Variants in GARIN6 observed in about 807,000 individuals in gnomAD.
GARIN6 encodes the protein golgi associated RAB2 interactor family member 6.
the GARIN6 span, chr12:99,648,543 G>C: frequency 4.3e-6 from 7 of 1,614,170 alleles, no homozygotes; most frequent in Non-Finnish European, 5.9e-6. Context: ...TGCTTCCCTT[G>C]ATGTTTGTGA....
chr12:99,649,575 C>T, the GARIN6 span: 1 of 564,136 alleles, frequency 1.8e-6, no homozygotes, highest in South Asian at 2.2e-5. Flanking sequence ...GAGAGAAACA[C>T]AGCACTGGCA....
the GARIN6 span, chr12:99,648,052 A>G: frequency 3.2e-5 from 44 of 1,371,130 alleles, no homozygotes; most frequent in East Asian, 1.0e-3. Flanking sequence ...ACAAAAAAGA[A>G]AGCCTGCAGA....
At chr12:99,648,774 G>A in the GARIN6 span, 22 of 1,611,142 alleles carry the variant, frequency 1.4e-5, no homozygotes, top group Non-Finnish European at 1.9e-5. Flanking sequence ...TGGAGGAAGT[G>A]CAGAGGAGCC....
chr12:99,647,771 T>C, the GARIN6 span: 5 of 199,946 alleles, frequency 2.5e-5, no homozygotes, highest in East Asian at 5.7e-4. Flanking sequence ...ATGGTTCAGG[T>C]TGGGAAGAAG....
chr12:99,648,450 TG>T, the GARIN6 span: 1 of 1,614,160 alleles, frequency 6.2e-7, no homozygotes, highest in Non-Finnish European at 8.5e-7. Context: ...CCCGACCAGC[TG>T]CTGTCTGTGA....
At chr12:99,648,377 T>A in the GARIN6 span, 3 of 1,614,152 alleles carry the variant, frequency 1.9e-6, no homozygotes, top group Non-Finnish European at 2.5e-6. Context: ...CGTGCCCGAA[T>A]GGTAACAATG....
the GARIN6 span, chr12:99,648,073 T>C: frequency 6.7e-7 from 1 of 1,489,152 alleles, no homozygotes; most frequent in South Asian, 1.3e-5. Context: ...ACACGACTGC[T>C]GGCCCACCTG....
the GARIN6 span, chr12:99,648,248 T>C: frequency 3.1e-6 from 5 of 1,614,046 alleles, no homozygotes; most frequent in African/African-American, 5.3e-5. Context: ...AACACCTCCA[T>C]GGGGAAGCTG....
chr12:99,647,851 T>C, the GARIN6 span: 1 of 322,370 alleles, frequency 3.1e-6, no homozygotes, highest in Non-Finnish European at 5.8e-6. Context: ...AATATCAGGC[T>C]CAAATGGAGG....
chr12:99,648,200 A>G, the GARIN6 span: 15 of 1,614,128 alleles, frequency 9.3e-6, no homozygotes, highest in African/African-American at 1.3e-5. Flanking sequence ...ATGCTACCGT[A>G]TTACACGGCC....
chr12:99,648,656 A>G, the GARIN6 span: 1 of 1,614,130 alleles, frequency 6.2e-7, no homozygotes, highest in South Asian at 1.1e-5. Context: ...GCAAGTGAAG[A>G]CCTTTTTGTT....
the GARIN6 span, chr12:99,649,514 G>A: frequency 2.6e-6 from 2 of 766,154 alleles, no homozygotes; most frequent in Non-Finnish European, 2.2e-6. Flanking sequence ...ATGACAGTAA[G>A]CACCACCACA....
At chr12:99,648,155 G>A in the GARIN6 span, 26 of 1,588,890 alleles carry the variant, frequency 1.6e-5, no homozygotes, top group Middle Eastern at 1.7e-4. Flanking sequence ...GCTGGGAACT[G>A]TCTTGATTTA....
At chr12:99,649,544 C>A in the GARIN6 span, 1 of 631,260 alleles carries the variant, frequency 1.6e-6, no homozygotes, top group Non-Finnish European at 2.8e-6. Flanking sequence ...GATGTGGCTG[C>A]AACCAAGTCT....
chr12:99,648,527 C>G, the GARIN6 span: 2 of 1,614,164 alleles, frequency 1.2e-6, no homozygotes, highest in Non-Finnish European at 1.7e-6. Context: ...TTAGAACTAA[C>G]CAGGCTGCTT....
At chr12:99,648,442 C>T in the GARIN6 span, 57 of 1,614,152 alleles carry the variant, frequency 3.5e-5, no homozygotes, top group Admixed American at 1.3e-4. Flanking sequence ...GCTGCTGGCC[C>T]GACCAGCTGC....
At chr12:99,648,732 C>A in the GARIN6 span, 1 of 1,613,872 alleles carries the variant, frequency 6.2e-7, no homozygotes, top group Non-Finnish European at 8.5e-7. Context: ...CCAGGGCTAT[C>A]CTAGCTGGGA....
At chr12:99,649,700 G>C in the GARIN6 span, 1 of 277,904 alleles carries the variant, frequency 3.6e-6, no homozygotes, top group Non-Finnish European at 6.9e-6. Context: ...TCCTAAAAGG[G>C]TACTTCAAGC....
At chr12:99,649,417 A>G in the GARIN6 span, 1 of 1,580,056 alleles carries the variant, frequency 6.3e-7, no homozygotes. Flanking sequence ...TACCTCCCAC[A>G]TATACTACGT....
Sources: gnomAD v4.1 joint callset for allele counts on GRCh38, gnomAD v4.1.1 for gene constraint, MANE v1.5 for transcripts, NCBI Gene and HGNC (gene_info 2026-07-23, HGNC 2026-07-21) for gene names.